The following MYO16 variants were observed in gnomAD, a reference collection of about 807,000 sequenced individuals.
The protein encoded by MYO16 is unconventional myosin-XVI.
MYO16 carries 94 observed loss-of-function variants against 205.3 expected under a neutral mutation model. That is an observed-to-expected ratio of 0.46 (90% CI 0.39 to 0.54). The LOEUF (loss-of-function observed/expected upper bound fraction) is 0.54, where lower values mean the gene tolerates loss of function less well. MYO16 is among the 20% of genes least tolerant of loss of function. The probability of loss-of-function intolerance (pLI) is 0.00; values close to 1 mark genes in which losing one functional copy is unlikely to be tolerated. For missense variants in MYO16, 2,315 were observed against 2,387.5 expected, an observed-to-expected ratio of 0.97 and a Z score of 0.63; for synonymous variants, 988 against 954.0, an observed-to-expected ratio of 1.04 and a Z score of -0.66.
intron 1 of MYO16, among the ~76,000 whole-genome samples, chr13:108,623,519 T>C (rs1247701955): frequency 6.6e-6 from 1 of 152,182 alleles, no homozygotes; most frequent in African/African-American, 2.4e-5. Flanking sequence ...AAAAACAATA[T>C]ACACTCAGTC....
chr13:109,168,903 G>C (rs888806495), intron 33 of MYO16, among the ~76,000 whole-genome samples: 3 of 152,056 alleles, frequency 2.0e-5, no homozygotes, highest in Admixed American at 1.3e-4. Flanking sequence ...GTGTCGGTAT[G>C]GTCAATATGT....
At position 108,740,320 on chromosome 13, in the gene MYO16, A is replaced by G. The variant is rs1884862948; in HGVS notation, c.507+12737A>G. On this transcript the variant is annotated intron_variant, in intron 4 of 34. Coordinates refer to ENST00000457511, the MANE Select transcript of MYO16 (RefSeq NM_001198950.3). ...ACGTACAGATGGGGTTTTGGTGTGG[A>G]TGTGCTTTCTGTTTGCTAGTTTTCC... 3.3e-5 allele frequency among the ~76,000 whole-genome samples: 5 copies of G among 151,908 alleles called. 1 individual carries two copies. Among genetic ancestry groups the G allele is most frequent in the Admixed American group, 3.3e-4 (5 of 15,248 alleles).
chr13:109,108,357 G>A (rs1322113414), intron 28 of MYO16, among the ~76,000 whole-genome samples: 5 of 152,324 alleles, frequency 3.3e-5, no homozygotes, highest in Admixed American at 2.0e-4. Flanking sequence ...ATGTGTGATA[G>A]TTTCTGCCTT....
chr13:108,870,363 TA>T (rs893198241), intron 12 of MYO16, among the ~76,000 whole-genome samples: 8 of 152,178 alleles, frequency 5.3e-5, no homozygotes, highest in African/African-American at 1.7e-4. Context: ...TTTTTTTTAT[TA>T]AAAAAATCTT....
In MYO16 at chr13:109,161,942, A is replaced by G. The variant is rs1051647499; in HGVS notation, c.5165-2959A>G. 2.0e-5 allele frequency among the ~76,000 whole-genome samples: 3 copies of G among 152,122 alleles called. 1 individual carries two copies. In the South Asian group the frequency reaches 6.2e-4, roughly 32 times the overall value. On this transcript the variant is annotated intron_variant, in intron 32 of 34. Transcript: ENST00000457511. ...CACTCTCCTAAAAAATACAAAAATT[A>G]GCCGGGCATGGTGGCATGCACCTGT...
At chr13:108,977,592 T>A (rs34114069) in intron 20 of MYO16, among the ~76,000 whole-genome samples, 25,193 of 151,646 alleles carry the variant, frequency 0.17, 2,270 homozygotes, top group Non-Finnish European at 0.21. Flanking sequence ...TATATTTTTT[T>A]AAAAAAAACC....
chr13:108,797,162 A>T (rs7993073), intron 6 of MYO16, among the ~76,000 whole-genome samples: 53,549 of 151,952 alleles, frequency 0.35, 9,753 homozygotes, highest in African/African-American at 0.43. Context: ...ATCAAATGAG[A>T]TGAGGCTGAA....
intron 14 of MYO16, among the ~76,000 whole-genome samples, chr13:108,889,544 G>A (rs1333328894): frequency 2.6e-5 from 4 of 152,132 alleles, no homozygotes; most frequent in Non-Finnish European, 5.9e-5. Context: ...TAACAGTGGG[G>A]GGAACAGACA....
intron 23 of MYO16, among the ~76,000 whole-genome samples, chr13:109,040,808 A>T (rs757495488): frequency 1.3e-5 from 2 of 152,196 alleles, no homozygotes; most frequent in Non-Finnish European, 2.9e-5. Context: ...CAGAAACAAG[A>T]CAAGGATGTC....
intron 18 of MYO16, 119 bp downstream of exon 18, chr13:108,961,775 G>A: frequency 1.4e-6 from 1 of 728,218 alleles, no homozygotes; most frequent in Non-Finnish European, 2.4e-6. Flanking sequence ...CTCTATAGTA[G>A]AATTCAGTGA....
intron 20 of MYO16, among the ~76,000 whole-genome samples, chr13:108,977,766 G>T (rs1884314842): frequency 6.6e-6 from 1 of 151,880 alleles, no homozygotes; most frequent in African/African-American, 2.4e-5. Context: ...ATGATATATT[G>T]CTTTAATTAC....
At chr13:108,849,293 C>T (rs562638887) in intron 10 of MYO16, among the ~76,000 whole-genome samples, 13 of 152,216 alleles carry the variant, frequency 8.5e-5, no homozygotes, top group East Asian at 1.9e-4. Context: ...CGGGTTCAAG[C>T]GATTCTCCTG....
the MYO16 span, among the ~76,000 whole-genome samples, chr13:108,531,289 T>C: frequency 2.0e-5 from 3 of 152,126 alleles, no homozygotes; most frequent in Non-Finnish European, 4.4e-5. Flanking sequence ...CATAAGACAA[T>C]AAGAGCAATG....
intron 30 of MYO16, among the ~76,000 whole-genome samples, chr13:109,126,008 C>T (rs1013452629): frequency 1.2e-4 from 18 of 152,178 alleles, no homozygotes; most frequent in African/African-American, 4.1e-4. Flanking sequence ...ATCACAACAC[C>T]CCTAAGAGGG....
At chr13:109,144,699 A>C (rs1311912753) in intron 32 of MYO16, among the ~76,000 whole-genome samples, 1 of 152,236 alleles carries the variant, frequency 6.6e-6, no homozygotes, top group Admixed American at 6.5e-5. Context: ...AATTAACTAA[A>C]GTTCATTTTT....
In MYO16 at chr13:108,962,459, G is replaced by A. The variant is rs545096865; in HGVS notation, c.2191G>A (p.Ala731Thr). ...GTTACAAGTATCAACAGATGAATTG[G>A]CATCTGCCTTAACAACTGATATTCA... ...GMLQVSTDEL[A>T]SALTTDIQYF... The change falls in exon 19 of 35, where the codon GCA becomes ACA. Residue 731 changes from alanine (A) to threonine (T), a missense_variant. Physicochemically the swap from Ala to Thr is moderately conservative, Grantham distance 58. Around this residue, in one of 3 missense-constraint regions of MYO16, gnomAD observed 1,213 missense variants for 1,274.4 expected, o/e 0.95. Transcript: ENST00000457511. 125 of 1,598,462 alleles carry A rather than the reference G, an allele frequency of 7.8e-5. No individual in the cohort carries two copies. The South Asian group carries it at 1.2e-3, about 15-fold the overall frequency.
intron 4 of MYO16, among the ~76,000 whole-genome samples, chr13:108,740,548 G>A (rs140007151): frequency 0.017 from 2,605 of 152,242 alleles, 34 homozygotes; most frequent in Non-Finnish European, 0.025. Flanking sequence ...TGCCCCTACT[G>A]AGGGGTTCCT....
At chr13:108,631,218 ACT>A (rs1178196842) in intron 1 of MYO16, among the ~76,000 whole-genome samples, 1 of 152,098 alleles carries the variant, frequency 6.6e-6, no homozygotes, top group African/African-American at 2.4e-5. Flanking sequence ...CAGAGGAAAA[ACT>A]CTGCATCTTT....
chr13:109,029,611 A>C (rs1206192738), intron 23 of MYO16, among the ~76,000 whole-genome samples: 2 of 152,202 alleles, frequency 1.3e-5, no homozygotes, highest in Non-Finnish European at 2.9e-5. Context: ...CAGACATAAC[A>C]ATCAAATCAG....
Sources: gnomAD v4.1 joint callset for allele counts (sites outside exome capture counted in the v4.1 genomes callset) on GRCh38, gnomAD v4.1.1 for gene constraint, gnomAD v4.1.1 regional missense constraint, MANE v1.5 for transcripts, NCBI Gene and HGNC (gene_info 2026-07-23, HGNC 2026-07-21) for gene names.